SGCD: variants seen among roughly 807,000 people sequenced by gnomAD.
The protein encoded by SGCD is delta-sarcoglycan.
A neutral mutation model predicts 36.6 loss-of-function variants in SGCD; 18 were observed. The observed-to-expected ratio is 0.49, with a 90% CI of 0.34 to 0.73. The LOEUF (loss-of-function observed/expected upper bound fraction) is 0.73, where lower values mean the gene tolerates loss of function less well. Ranked by LOEUF, SGCD falls within the 30% of genes least tolerant of loss-of-function variation. The pLI is 0.01. For missense variants in SGCD, 387 were observed against 346.7 expected (o/e 1.12, Z -0.92); for synonymous variants, 133 against 130.6 (o/e 1.02, Z -0.12).
intron 3 of SGCD, among the ~76,000 whole-genome samples, chr5:156,448,516 C>A (rs1303547344): frequency 6.6e-6 from 1 of 152,088 alleles, no homozygotes; most frequent in Non-Finnish European, 1.5e-5. Flanking sequence ...CCCATCTTTT[C>A]AGGGTTCAGA....
At chr5:156,672,191 A>C (rs756517787) in intron 7 of SGCD, among the ~76,000 whole-genome samples, 14 of 152,158 alleles carry the variant, frequency 9.2e-5, no homozygotes, top group Non-Finnish European at 1.8e-4. Flanking sequence ...CTTGGGATAC[A>C]TCTGGTTGTC....
rs1389664486 is a variant in SGCD at position 156,061,375 on chromosome 5, G to A, written c.-281-56503G>A. Among the ~76,000 whole-genome samples the A allele has an allele frequency of 6.8e-5, 10 of 146,000 alleles. 1 individual carries two copies. The highest frequency in any genetic ancestry group is 2.2e-4 in the African/African-American group (9 of 40,606). ...TAATTAAATTTCTGTTAGGTCTCAT[G>A]TCTAATTCCTATAGGCTCCCTTCAT... On this transcript the variant is annotated intron_variant, in intron 1 of 9. Transcript: ENST00000517913.
intron 1 of SGCD, among the ~76,000 whole-genome samples, chr5:156,113,892 G>T (rs1761849672): frequency 6.6e-6 from 1 of 152,110 alleles, no homozygotes. Context: ...GTATTACTAT[G>T]TGAAGAAAGC....
In SGCD at chr5:156,576,895, C is replaced by T. The variant is rs184178791; in HGVS notation, c.295-12336C>T. 7.6e-4 allele frequency among the ~76,000 whole-genome samples: 116 copies of T among 152,164 alleles called. 1 individual carries two copies. Among genetic ancestry groups the T allele is most frequent in the Admixed American group, 2.2e-3 (33 of 15,284 alleles). On this transcript the variant is annotated intron_variant, in intron 4 of 8. Coordinates refer to ENST00000337851, the MANE Select transcript of SGCD (RefSeq NM_000337.6). ...TGTTCACTCTGATGGTACTTTCTTT[C>T]GCTGTGCAGAAGCTCTTTAGTTTAA... is the stretch of plus-strand genomic sequence containing the variant.
intron 3 of SGCD, among the ~76,000 whole-genome samples, chr5:156,479,271 C>G (rs1581052279): frequency 6.6e-6 from 1 of 151,108 alleles, no homozygotes; most frequent in African/African-American, 2.4e-5. Flanking sequence ...TTTTTTTGTA[C>G]TTTTAGTAGA....
the SGCD span, among the ~76,000 whole-genome samples, chr5:155,802,811 G>C: frequency 3.9e-5 from 6 of 152,134 alleles, no homozygotes. Context: ...AGAAGAGATG[G>C]GAAAAAGGGC....
chr5:156,203,753 C>T (rs191837689), intron 3 of SGCD, among the ~76,000 whole-genome samples: 7 of 152,214 alleles, frequency 4.6e-5, no homozygotes, highest in African/African-American at 1.7e-4. Context: ...AATAACTTGT[C>T]CAATATTACA....
intron 1 of SGCD, among the ~76,000 whole-genome samples, chr5:155,947,265 T>G (rs1284700138): frequency 6.6e-6 from 1 of 151,338 alleles, no homozygotes; most frequent in Non-Finnish European, 1.5e-5. Flanking sequence ...ACGCTCACAT[T>G]GTTAGCTTGG....
At chr5:155,968,167 T>C (rs1377012972) in intron 1 of SGCD, among the ~76,000 whole-genome samples, 1 of 152,088 alleles carries the variant, frequency 6.6e-6, no homozygotes, top group Non-Finnish European at 1.5e-5. Flanking sequence ...TTGATCAAAA[T>C]GTGTGTTTTG....
At chr5:156,629,447 G>A (rs77821802) in intron 6 of SGCD, among the ~76,000 whole-genome samples, 2,671 of 152,306 alleles carry the variant, frequency 0.018, 32 homozygotes, top group Non-Finnish European at 0.029. Flanking sequence ...AGGAAAATCA[G>A]TAATGTCAAA....
chr5:156,321,157 C>T (rs920940632), intron 3 of SGCD, among the ~76,000 whole-genome samples: 2 of 152,170 alleles, frequency 1.3e-5, no homozygotes, highest in African/African-American at 4.8e-5. Context: ...CAGTGGCTCA[C>T]GCCTGTAATC....
chr5:155,851,536 G>T, the SGCD span, among the ~76,000 whole-genome samples: 4 of 152,276 alleles, frequency 2.6e-5, no homozygotes, highest in Middle Eastern at 3.4e-3. Context: ...TGTGATCAGT[G>T]CTTATGGGTA....
chr5:155,806,918 T>C, the SGCD span, among the ~76,000 whole-genome samples: 1 of 152,200 alleles, frequency 6.6e-6, no homozygotes, highest in Non-Finnish European at 1.5e-5. Flanking sequence ...AAGTTGAAGT[T>C]ATTAATATTC....
At chr5:156,068,824 G>T (rs1032907910) in intron 1 of SGCD, among the ~76,000 whole-genome samples, 3 of 151,866 alleles carry the variant, frequency 2.0e-5, no homozygotes. Flanking sequence ...TCTAACTGGT[G>T]TGAGATGGTA....
At chr5:156,365,718 A>G (rs1315723030) in intron 3 of SGCD, among the ~76,000 whole-genome samples, 1 of 152,196 alleles carries the variant, frequency 6.6e-6, no homozygotes, top group Non-Finnish European at 1.5e-5. Flanking sequence ...GTAGACATAT[A>G]TACAATATAT....
At chr5:156,371,459 T>C (rs553051783) in intron 3 of SGCD, among the ~76,000 whole-genome samples, 5 of 152,334 alleles carry the variant, frequency 3.3e-5, no homozygotes, top group African/African-American at 1.2e-4. Flanking sequence ...AGTAGTTGAT[T>C]GGAAAAAGTT....
intron 3 of SGCD, 37 bp downstream of exon 3, chr5:156,344,714 C>A (rs748648634): frequency 6.7e-7 from 1 of 1,501,130 alleles, no homozygotes; most frequent in Non-Finnish European, 9.1e-7. Context: ...AGCTTTCTTC[C>A]GGGAGGGGAA....
rs763499764 is a variant in SGCD at position 156,509,673 on chromosome 5, T to C, written c.294+971T>C. Among the ~76,000 whole-genome samples the C allele has an allele frequency of 3.9e-5, 6 of 152,204 alleles. No homozygotes were observed. The South Asian group carries it at 1.0e-3, about 26-fold the overall frequency. ...TGTAGCAGGACAAAGATTTCAAGCCTTCTCTGTTAACCATTATTTCCTACC... is the reference window on the plus strand; with the variant it reads ...TGTAGCAGGACAAAGATTTCAAGCCCTCTCTGTTAACCATTATTTCCTACC... On this transcript the variant is annotated intron_variant, in intron 4 of 8. Transcript: ENST00000337851.
intron 4 of SGCD, among the ~76,000 whole-genome samples, chr5:156,539,235 C>A (rs1018131795): frequency 6.6e-6 from 1 of 151,962 alleles, no homozygotes; most frequent in East Asian, 1.9e-4. Context: ...CACACACACA[C>A]ATACACACAA....
Sources: gnomAD v4.1 joint callset for allele counts (sites outside exome capture counted in the v4.1 genomes callset) on GRCh38, gnomAD v4.1.1 for gene constraint, MANE v1.5 for transcripts, NCBI Gene and HGNC (gene_info 2026-07-23, HGNC 2026-07-21) for gene names.